The following ZSWIM7 variants were observed in gnomAD, a reference collection of about 807,000 sequenced individuals.
The protein encoded by ZSWIM7 is zinc finger SWIM-type containing 7.
ZSWIM7 carries 22 observed loss-of-function variants against 21.1 expected under a neutral mutation model. The ratio of observed to expected loss-of-function variants is 1.04; its 90% confidence interval spans 0.74 to 1.49. ZSWIM7 has a LOEUF of 1.49. Among genes scored for constraint, ZSWIM7 ranks in the 40% most tolerant of loss-of-function variants. The probability of loss-of-function intolerance (pLI) is 0.00; values close to 1 mark genes in which losing one functional copy is unlikely to be tolerated. For synonymous variants in ZSWIM7, 67 were observed against 66.5 expected (o/e 1.01, Z -0.04); for missense variants, 193 against 168.0 (o/e 1.15, Z -0.82).
In ZSWIM7 at chr17:15,977,113, G is replaced by C. The variant is rs571226847; in HGVS notation, c.*934C>G. 9 of 152,216 alleles carry C rather than the reference G, an allele frequency of 5.9e-5. No homozygotes were observed. The highest frequency in any genetic ancestry group is 1.3e-4 in the Admixed American group (2 of 15,284). 9.4% of individuals were successfully genotyped at this position (152,216 alleles called of 1,614,324 possible). A position where few individuals can be genotyped will look rare whatever the true frequency, so the allele number is the denominator to read the frequency against. On this transcript the variant is annotated 3_prime_UTR_variant, in exon 5 of 5. Coordinates refer to ENST00000399277, the MANE Select transcript of ZSWIM7 (RefSeq NM_001042697.2). ...TTGCCCTGTTGTAAAGATCAGAAGT[G>C]CAGAGTGAAACCAGTTCTTCCCTTG...
chr17:15,992,045 G>GC (rs1970493297), intron 2 of ZSWIM7, among the ~76,000 whole-genome samples: 1 of 151,586 alleles, frequency 6.6e-6, no homozygotes, highest in East Asian at 1.9e-4. Context: ...TCCTGCCTCA[G>GC]CCCCCCGAAT....
rs572411311 is a variant in ZSWIM7, at chr17:15,977,322, T to G, written c.*725A>C. 18 of 152,354 alleles carry G rather than the reference T, an allele frequency of 1.2e-4. No homozygotes were observed. Among genetic ancestry groups the G allele is most frequent in the African/African-American group, 4.1e-4 (17 of 41,584 alleles). The allele number at this position is 152,354 out of a possible 1,614,324, so 9.4% of individuals were successfully genotyped here. A position where few individuals can be genotyped will look rare whatever the true frequency, so the allele number is the denominator to read the frequency against. ...GTTTCCTGGACCCAAGGAAAAGAAC[T>G]GACCTACTCGTCGAAACTTCATCTT... On this transcript the variant is annotated 3_prime_UTR_variant, in exon 5 of 5. Coordinates refer to ENST00000399277, the MANE Select transcript of ZSWIM7 (RefSeq NM_001042697.2).
intron 3 of ZSWIM7, among the ~76,000 whole-genome samples, chr17:15,982,383 G>A (rs1334050930): frequency 2.6e-5 from 4 of 152,200 alleles, no homozygotes; most frequent in Non-Finnish European, 2.9e-5. Flanking sequence ...ATAATGAACT[G>A]CCACTTAGGA....
chr17:15,978,608 A>C (rs1214491903), intron 4 of ZSWIM7, among the ~76,000 whole-genome samples: 1 of 152,184 alleles, frequency 6.6e-6, no homozygotes, highest in African/African-American at 2.4e-5. Flanking sequence ...AAAATAAATA[A>C]ATAAAAACTG....
At chr17:15,991,982 A>G (rs1231447967) in intron 2 of ZSWIM7, among the ~76,000 whole-genome samples, 2 of 149,846 alleles carry the variant, frequency 1.3e-5, no homozygotes, top group Non-Finnish European at 3.0e-5. Flanking sequence ...GCTGGAGTGC[A>G]ATGGCATGAT....
At chr17:15,983,313 C>G (rs1970376525) in intron 3 of ZSWIM7, among the ~76,000 whole-genome samples, 1 of 140,848 alleles carries the variant, frequency 7.1e-6, no homozygotes, top group Admixed American at 7.4e-5. Flanking sequence ...TCACTGTACT[C>G]CAGCCTGGGT....
At chr17:15,993,868 C>A in intron 1 of ZSWIM7, 90 bp from the exon 2 acceptor site, 1 of 962,788 alleles carries the variant, frequency 1.0e-6, no homozygotes, top group Non-Finnish European at 1.6e-6. Context: ...ACTAAAAACA[C>A]TTCCGTGTGT....
Position 15,999,543 on chromosome 17 carries a change from C to G in ZSWIM7, c.52G>C (p.Ala18Pro), listed in dbSNP as rs1195572475. Reference protein sequence around the residue: ...VVEELLSEMAAAVQESARIPD... With the variant: ...VVEELLSEMAPAVQESARIPD... ...CTTCGCGCGCTCTCCTGCACCGCCG[C>G]CGCCATCTCGCTCAGGAGCTCCTCC... The change falls in exon 1 of 5, where the codon GCG becomes CCG. Residue 18 changes from alanine to proline, a missense_variant. Transcript: ENST00000399277. The G allele has an allele frequency of 6.3e-7, 1 of 1,599,928 alleles. No individual in the cohort carries two copies. The highest frequency in any genetic ancestry group is 1.7e-5 in the Admixed American group (1 of 59,504).
At chr17:15,999,369 T>A in intron 1 of ZSWIM7, 150 bp downstream of exon 1, 1 of 1,041,518 alleles carries the variant, frequency 9.6e-7, no homozygotes, top group Non-Finnish European at 1.4e-6. Context: ...TTTTGTTTTT[T>A]TGTCTTTTTA....
intron 3 of ZSWIM7, among the ~76,000 whole-genome samples, chr17:15,986,380 G>A (rs752583220): frequency 6.6e-6 from 1 of 152,012 alleles, no homozygotes; most frequent in Non-Finnish European, 1.5e-5. Context: ...GGAGGATTTT[G>A]TTAAGTGAAA....
chr17:15,999,241 C>T, intron 1 of ZSWIM7: 1 of 574,542 alleles, frequency 1.7e-6, no homozygotes, highest in Non-Finnish European at 3.1e-6. Context: ...CAGCTCTCAG[C>T]ACTTCGGTCC....
chr17:15,989,570 G>GAT (rs749531644), intron 2 of ZSWIM7, among the ~76,000 whole-genome samples: 16 of 152,078 alleles, frequency 1.1e-4, no homozygotes, highest in Non-Finnish European at 1.6e-4. Flanking sequence ...CCCCCGCCTT[G>GAT]GCCTCTCAAA....
intron 2 of ZSWIM7, among the ~76,000 whole-genome samples, chr17:15,992,594 C>T (rs974882137): frequency 3.3e-5 from 5 of 152,004 alleles, no homozygotes; most frequent in Non-Finnish European, 7.4e-5. Context: ...AATGCACCAC[C>T]ATGCTTGGCT....
Position 15,978,079 on chromosome 17 carries a change from T to G in ZSWIM7, c.391A>C (p.Ile131Leu). The change falls in exon 5 of 5, where the codon ATA becomes CTA. Residue 131 changes from isoleucine to leucine, a missense_variant. Coordinates refer to ENST00000399277, the MANE Select transcript of ZSWIM7 (RefSeq NM_001042697.2). Reference protein sequence around the residue: ...LSVSDKQLTDILLMEKKQEA With the variant: ...LSVSDKQLTDLLLMEKKQEA Reference sequence around the variant, plus strand: ...TCTTGTTTCTTCTCCATCAATAATATGTCAGTCAACTGCTTGTCAGAGACA... The same window carrying G: ...TCTTGTTTCTTCTCCATCAATAATAGGTCAGTCAACTGCTTGTCAGAGACA... The G allele has an allele frequency of 6.2e-7, 1 of 1,614,160 alleles. No individual in the cohort carries two copies. The highest frequency in any genetic ancestry group is 8.5e-7 in the Non-Finnish European group (1 of 1,179,954).
At chr17:15,996,133 C>T (rs1448256531) in intron 1 of ZSWIM7, among the ~76,000 whole-genome samples, 1 of 152,154 alleles carries the variant, frequency 6.6e-6, no homozygotes, top group Admixed American at 6.5e-5. Flanking sequence ...TTTAGTATCT[C>T]TACTAAAAAT....
chr17:15,989,756 C>T (rs1970459397), intron 2 of ZSWIM7, among the ~76,000 whole-genome samples: 1 of 152,066 alleles, frequency 6.6e-6, no homozygotes, highest in Non-Finnish European at 1.5e-5. Flanking sequence ...ACCTCAGCCT[C>T]CCTAGCAGCC....
intron 3 of ZSWIM7, among the ~76,000 whole-genome samples, chr17:15,983,198 A>G (rs1354776302): frequency 2.6e-5 from 4 of 151,838 alleles, no homozygotes; most frequent in African/African-American, 9.7e-5. Context: ...TACAAAAATT[A>G]GCCAGGTGTG....
At chr17:15,992,953 T>G (rs932065549) in intron 2 of ZSWIM7, among the ~76,000 whole-genome samples, 7 of 152,104 alleles carry the variant, frequency 4.6e-5, no homozygotes, top group Admixed American at 1.3e-4. Context: ...CGCAGCGAGA[T>G]ATGCAACCAC....
At chr17:15,998,618 T>C (rs1970599113) in intron 1 of ZSWIM7, among the ~76,000 whole-genome samples, 1 of 152,162 alleles carries the variant, frequency 6.6e-6, no homozygotes, top group South Asian at 2.1e-4. Flanking sequence ...CATCTTGAGA[T>C]CAACCCTTCT....
Sources: allele counts gnomAD v4.1 joint callset (sites outside exome capture counted in the v4.1 genomes callset), GRCh38; gene constraint gnomAD v4.1.1; transcripts MANE v1.5; gene names NCBI Gene and HGNC (gene_info 2026-07-23, HGNC 2026-07-21).